Variants in LY86 observed in about 807,000 individuals in gnomAD.
LY86 encodes the protein MD-1, RP105-associated.
A neutral mutation model predicts 17.3 loss-of-function variants in LY86; 20 were observed. The observed-to-expected ratio is 1.15, with a 90% CI of 0.81 to 1.68. The LOEUF is 1.68. Ranked by LOEUF, LY86 falls within the 40% of genes most tolerant of loss-of-function variation. The probability of loss-of-function intolerance (pLI) is 0.00; values close to 1 mark genes in which losing one functional copy is unlikely to be tolerated. For missense variants in LY86, 200 were observed against 191.9 expected (o/e 1.04, Z -0.25); for synonymous variants, 74 against 70.6 (o/e 1.05, Z -0.24).
At chr6:6,624,758 CG>C (rs544853559) in intron 1 of LY86, among the ~76,000 whole-genome samples, 167 bp from the exon 2 acceptor site, 6 of 151,918 alleles carry the variant, frequency 3.9e-5, no homozygotes, top group African/African-American at 9.7e-5. Flanking sequence ...TTTGAAGACA[CG>C]GGGGGGAGCT....
chr6:6,643,878 C>G (rs1762074147), intron 3 of LY86, among the ~76,000 whole-genome samples: 1 of 152,106 alleles, frequency 6.6e-6, no homozygotes, highest in South Asian at 2.1e-4. Flanking sequence ...ATAACTGGGG[C>G]AAAAAAGAAC....
intron 4 of LY86, among the ~76,000 whole-genome samples, chr6:6,652,792 C>T (rs1429524123): frequency 6.6e-6 from 1 of 152,182 alleles, no homozygotes; most frequent in African/African-American, 2.4e-5. Flanking sequence ...ATATTCTTAT[C>T]TCTTATACCA....
intron 1 of LY86, among the ~76,000 whole-genome samples, chr6:6,612,541 A>C (rs1168611237): frequency 6.6e-6 from 1 of 152,220 alleles, no homozygotes; most frequent in Non-Finnish European, 1.5e-5. Flanking sequence ...ACCACACAAA[A>C]GCAACGAAAC....
intron 1 of LY86, among the ~76,000 whole-genome samples, chr6:6,616,634 A>C (rs1175565472): frequency 6.6e-6 from 1 of 152,240 alleles, no homozygotes; most frequent in African/African-American, 2.4e-5. Flanking sequence ...CCTCCCAGCC[A>C]GTTTGTCAGT....
chr6:6,602,607 G>A (rs1339431792), intron 1 of LY86, among the ~76,000 whole-genome samples: 4 of 152,172 alleles, frequency 2.6e-5, no homozygotes, highest in East Asian at 3.9e-4. Flanking sequence ...GTGAAGAAGC[G>A]AGACAGGGAA....
chr6:6,606,366 G>GT (rs1561780244), intron 1 of LY86, among the ~76,000 whole-genome samples: 1 of 152,116 alleles, frequency 6.6e-6, no homozygotes, highest in Non-Finnish European at 1.5e-5. Flanking sequence ...AGACATAAAG[G>GT]TTCTCCAAGT....
intron 1 of LY86, among the ~76,000 whole-genome samples, chr6:6,613,382 G>A (rs1761451186): frequency 6.6e-6 from 1 of 152,138 alleles, no homozygotes; most frequent in African/African-American, 2.4e-5. Context: ...CGGGGGAGTG[G>A]GGAGCGGGAG....
chr6:6,605,060 G>A (rs1561778879), intron 1 of LY86, among the ~76,000 whole-genome samples: 1 of 149,862 alleles, frequency 6.7e-6, no homozygotes, highest in Admixed American at 6.7e-5. Context: ...GTTTGCCACC[G>A]AGACTCTCAC....
At chr6:6,645,069 C>T (rs1341555073) in intron 3 of LY86, among the ~76,000 whole-genome samples, 1 of 152,028 alleles carries the variant, frequency 6.6e-6, no homozygotes, top group African/African-American at 2.4e-5. Flanking sequence ...GAGCAAACCC[C>T]GGGAGCATTA....
intron 1 of LY86, among the ~76,000 whole-genome samples, chr6:6,619,834 A>T (rs912084427): frequency 6.6e-6 from 1 of 152,134 alleles, no homozygotes; most frequent in African/African-American, 2.4e-5. Context: ...AAACAGAGAG[A>T]GAGAAAGGGA....
rs1761506892 is a variant in LY86 at position 6,614,724 on chromosome 6, G to C, written c.137-10202G>C. ...CTAAGATCGTGCTTGGCAGAGAGTC[G>C]ATGCTCAGGAAATGAAACAGAAAAA... On this transcript the variant is annotated intron_variant, in intron 1 of 4. Coordinates refer to ENST00000230568, the MANE Select transcript of LY86 (RefSeq NM_004271.4). Among the ~76,000 whole-genome samples, 4 of 150,462 alleles carry C rather than the reference G, an allele frequency of 2.7e-5. 1 individual carries two copies. In the Admixed American group the frequency reaches 2.7e-4, roughly 10 times the overall value.
At chr6:6,603,603 C>CAAAAAAACAAA (rs1207511602) in intron 1 of LY86, among the ~76,000 whole-genome samples, 2 of 70,462 alleles carry the variant, frequency 2.8e-5, no homozygotes, top group Admixed American at 1.5e-4. Flanking sequence ...AAAACAGAAA[C>CAAAAAAACAAA]AGAAAAAAAA....
At chr6:6,609,925 G>A (rs1761289210) in intron 1 of LY86, among the ~76,000 whole-genome samples, 1 of 152,044 alleles carries the variant, frequency 6.6e-6, no homozygotes, top group African/African-American at 2.4e-5. Context: ...CCTGAACATT[G>A]CAAGAAACGT....
At chr6:6,643,036 ATC>A (rs1762061883) in intron 3 of LY86, among the ~76,000 whole-genome samples, 1 of 152,190 alleles carries the variant, frequency 6.6e-6, no homozygotes, top group Admixed American at 6.5e-5. Context: ...TGAGGGCTGC[ATC>A]CTCCCAGGTT....
In LY86 at chr6:6,626,366, T is replaced by C; in HGVS notation, c.297T>C (p.Tyr99=). 1 of 1,614,028 alleles carries C rather than the reference T, an allele frequency of 6.2e-7. No individual in the cohort carries two copies. The highest frequency in any genetic ancestry group is 8.5e-7 in the Non-Finnish European group (1 of 1,179,984). Residue 99 remains tyrosine (Y), a synonymous_variant, in exon 3 of 5, where the codon TAT becomes TAC. Coordinates refer to ENST00000230568, the MANE Select transcript of LY86 (RefSeq NM_004271.4). ...SQGSSVLNFS[Y]PICEAALPKF... is the part of the protein sequence containing the mutation. The stretch of plus-strand genomic sequence containing the variant: ...GCTCATCTGTTTTGAATTTCTCCTA[T>C]CCCATCTGTGAGGCGGCTCTGCCCA...
chr6:6,624,410 TTGGGA>T (rs1761745049), intron 1 of LY86, among the ~76,000 whole-genome samples: 9 of 40,204 alleles, frequency 2.2e-4, no homozygotes, highest in Non-Finnish European at 3.8e-4. Context: ...ATGGGATGGG[TTGGGA>T]TGGGATGGGA....
intron 1 of LY86, among the ~76,000 whole-genome samples, chr6:6,608,047 C>T (rs1396638914): frequency 6.6e-6 from 1 of 152,174 alleles, no homozygotes; most frequent in African/African-American, 2.4e-5. Context: ...AAATATAGAT[C>T]TACAGTGAAC....
intron 1 of LY86, among the ~76,000 whole-genome samples, chr6:6,604,969 G>A (rs1362358844): frequency 6.6e-6 from 1 of 151,806 alleles, no homozygotes; most frequent in South Asian, 2.1e-4. Flanking sequence ...TCTATATACA[G>A]TATAGCTACA....
chr6:6,637,733 G>A (rs1761980400), intron 3 of LY86, among the ~76,000 whole-genome samples: 1 of 152,130 alleles, frequency 6.6e-6, no homozygotes, highest in African/African-American at 2.4e-5. Context: ...GCAGCCCTCT[G>A]TGATGTCTGT....
Sources: gnomAD v4.1 joint callset for allele counts (sites outside exome capture counted in the v4.1 genomes callset) on GRCh38, gnomAD v4.1.1 for gene constraint, MANE v1.5 for transcripts, NCBI Gene and HGNC (gene_info 2026-07-23, HGNC 2026-07-21) for gene names.